GPATCH2L: variants seen among roughly 807,000 people sequenced by gnomAD.
GPATCH2L encodes the protein G-patch domain containing 2 like, also known as G patch domain-containing protein 2-like.
Under a neutral mutation model 57.4 loss-of-function variants are expected in GPATCH2L, and 31 were observed. The observed-to-expected ratio is 0.54, with a 90% CI of 0.41 to 0.73. The LOEUF (loss-of-function observed/expected upper bound fraction) is 0.73, where lower values mean the gene tolerates loss of function less well. Among genes scored for constraint, GPATCH2L ranks in the 30% least tolerant of loss-of-function variants. The pLI, the probability that GPATCH2L is intolerant of heterozygous loss-of-function variation, is 0.00. For synonymous variants in GPATCH2L, 199 were observed against 210.7 expected (o/e 0.94, Z 0.48); for missense variants, 481 against 599.9 (o/e 0.80, Z 2.07).
chr14:76,196,666 A>T (rs551888809), intron 9 of GPATCH2L: 2 of 152,302 alleles, frequency 1.3e-5, no homozygotes, highest in East Asian at 3.9e-4. Flanking sequence ...GTTATCCTTC[A>T]ATGAAAAAAA....
chr14:76,177,860 T>C, intron 6 of GPATCH2L, 128 bp from the exon 7 acceptor site: 1 of 1,453,584 alleles, frequency 6.9e-7, no homozygotes, highest in South Asian at 1.2e-5. Flanking sequence ...CTTTTATTGT[T>C]TTCTTTCCTG....
intron 1 of GPATCH2L, among the ~76,000 whole-genome samples, chr14:76,225,412 A>G (rs1005585736): frequency 2.0e-5 from 3 of 152,168 alleles, no homozygotes; most frequent in African/African-American, 7.2e-5. Flanking sequence ...TTCACAGGTA[A>G]TATACATCTT....
downstream of GPATCH2L, among the ~76,000 whole-genome samples, chr14:76,218,237 T>C (rs2040497768): frequency 6.6e-6 from 1 of 152,116 alleles, no homozygotes; most frequent in South Asian, 2.1e-4. Context: ...TGAAAGAAAT[T>C]AAAGATACAG....
At chr14:76,182,298 A>G (rs1279748699) in intron 8 of GPATCH2L, among the ~76,000 whole-genome samples, 2 of 137,768 alleles carry the variant, frequency 1.5e-5, no homozygotes, top group African/African-American at 5.3e-5. Context: ...CGGAGCTTGC[A>G]GTGAGCTGAG....
chr14:76,196,094 A>G (rs775401370), intron 9 of GPATCH2L, 122 bp downstream of exon 9: 1 of 812,334 alleles, frequency 1.2e-6, no homozygotes, highest in East Asian at 2.5e-5. Context: ...CCCACTTTAC[A>G]TGGGAAAACT....
chr14:76,217,477 T>C (rs530196015), downstream of GPATCH2L, among the ~76,000 whole-genome samples: 1 of 151,844 alleles, frequency 6.6e-6, no homozygotes, highest in Admixed American at 6.6e-5. Context: ...GGAATGTAAA[T>C]CCACATGGCA....
intron 5 of GPATCH2L, chr14:76,174,044 A>G: frequency 1.1e-5 from 2 of 188,522 alleles, no homozygotes; most frequent in Non-Finnish European, 2.2e-5. Flanking sequence ...TTAAAAAAAA[A>G]AAACAAAACT....
At position 76,198,808 on chromosome 14, in the gene GPATCH2L, C is replaced by T. The variant is rs181883736; in HGVS notation, c.1288+2836C>T. 7.2e-5 allele frequency among the ~76,000 whole-genome samples: 11 copies of T among 152,242 alleles called. No homozygotes were observed. In the East Asian group the frequency reaches 2.1e-3, roughly 29 times the overall value. Reference sequence around the variant, plus strand: ...AGCAGGACTGCTTATCTGTTTTGTTCACTACTGTACCCCTAGCATCTAAAT... The same window carrying T: ...AGCAGGACTGCTTATCTGTTTTGTTTACTACTGTACCCCTAGCATCTAAAT... On this transcript the variant is annotated intron_variant, in intron 9 of 9. Coordinates refer to ENST00000261530, the MANE Select transcript of GPATCH2L (RefSeq NM_017926.4).
intron 8 of GPATCH2L, among the ~76,000 whole-genome samples, chr14:76,182,989 G>T (rs2139732093): frequency 6.6e-6 from 1 of 152,330 alleles, no homozygotes; most frequent in Non-Finnish European, 1.5e-5. Flanking sequence ...TTGGGAAAAT[G>T]ATTTGAGTAG....
At chr14:76,192,857 G>A (rs1009436876) in intron 8 of GPATCH2L, among the ~76,000 whole-genome samples, 1 of 152,110 alleles carries the variant, frequency 6.6e-6, no homozygotes, top group Non-Finnish European at 1.5e-5. Flanking sequence ...TATAACCAGA[G>A]GAATTTACAA....
chr14:76,232,428 T>C (rs987795038), intron 2 of GPATCH2L, among the ~76,000 whole-genome samples: 3 of 152,048 alleles, frequency 2.0e-5, no homozygotes, highest in Non-Finnish European at 4.4e-5. Flanking sequence ...GCCTCCTGAG[T>C]AGTTTGGATT....
chr14:76,192,550 A>C (rs192524181), intron 8 of GPATCH2L, among the ~76,000 whole-genome samples: 61 of 152,232 alleles, frequency 4.0e-4, no homozygotes, highest in African/African-American at 1.4e-3. Context: ...TTGATACCCT[A>C]GTTTCTTTGT....
rs1566793121 is a variant in GPATCH2L at position 76,177,709 on chromosome 14, T to TTG, written c.1053-278_1053-277insGT. Among the ~76,000 whole-genome samples the TTG allele has an allele frequency of 1.5e-3, 224 of 151,078 alleles. 4 individuals are homozygous for TTG. Among genetic ancestry groups the TTG allele is most frequent in the African/African-American group, 5.4e-3 (220 of 41,052 alleles). On this transcript the variant is annotated intron_variant, in intron 6 of 9. Transcript: ENST00000261530. ...TTCCTTTGAAGAGGTTTTTTTTTGTTTTTGTTTTTGCAAAACATTCACATA... is the reference window on the plus strand; with the variant it reads ...TTCCTTTGAAGAGGTTTTTTTTTGTTTGTTTGTTTTTGCAAAACATTCACATA...
rs190976853 is a variant in GPATCH2L, at chr14:76,168,962, A to G, written c.727+2235A>G. Among the ~76,000 whole-genome samples, 35 of 152,210 alleles carry G rather than the reference A, an allele frequency of 2.3e-4. No homozygotes were observed. In the East Asian group the frequency reaches 6.8e-3, roughly 29 times the overall value. On this transcript the variant is annotated intron_variant, in intron 3 of 9. Transcript: ENST00000261530. Reference sequence around the variant, plus strand: ...TGTTTGGCAGCCTTCTTTTATAACCACAGTTCTTTGGGTTCTGATAACCAT... The same window carrying G: ...TGTTTGGCAGCCTTCTTTTATAACCGCAGTTCTTTGGGTTCTGATAACCAT...
intron 8 of GPATCH2L, among the ~76,000 whole-genome samples, chr14:76,184,501 G>C (rs190702968): frequency 6.6e-6 from 1 of 151,908 alleles, no homozygotes; most frequent in Non-Finnish European, 1.5e-5. Flanking sequence ...AGGTGGGGGC[G>C]GGGGGCATTG....
At chr14:76,176,831 T>C in intron 6 of GPATCH2L, 141 bp downstream of exon 6, 1 of 623,940 alleles carries the variant, frequency 1.6e-6, no homozygotes, top group East Asian at 2.7e-5. Flanking sequence ...CAGTTAAATA[T>C]GGCAACATCC....
chr14:76,199,742 ACAG>A (rs1357598747), intron 9 of GPATCH2L, among the ~76,000 whole-genome samples: 2 of 152,158 alleles, frequency 1.3e-5, no homozygotes, highest in Non-Finnish European at 2.9e-5. Context: ...GCTGTGGAAA[ACAG>A]CATGTAAAAA....
At chr14:76,162,305 A>G (rs1036368645) in intron 2 of GPATCH2L, among the ~76,000 whole-genome samples, 3 of 152,114 alleles carry the variant, frequency 2.0e-5, no homozygotes, top group Non-Finnish European at 4.4e-5. Flanking sequence ...GCCTCTCCGC[A>G]TGCCCATCCG....
rs1282067219 is a variant in GPATCH2L, at chr14:76,172,082, C to T, written c.904+63C>T. ...GGTTCTCCTTGGGCAGAGCAATCAC[C>T]CCCTAGCAAGCATACTCATGCCTTC... On this transcript the variant is annotated intron_variant, in intron 4 of 9. Coordinates refer to ENST00000261530, the MANE Select transcript of GPATCH2L (RefSeq NM_017926.4). 4.7e-6 allele frequency: 5 copies of T among 1,054,758 alleles called. No individual in the cohort carries two copies. The East Asian group carries it at 7.9e-5, about 17-fold the overall frequency. The allele number at this position is 1,054,758 out of a possible 1,614,324, so 65.3% of individuals were successfully genotyped here.
Sources: gnomAD v4.1 joint callset for allele counts (sites outside exome capture counted in the v4.1 genomes callset) on GRCh38, gnomAD v4.1.1 for gene constraint, MANE v1.5 for transcripts, NCBI Gene and HGNC (gene_info 2026-07-23, HGNC 2026-07-21) for gene names.